HHLA1: variants seen among roughly 807,000 people sequenced by gnomAD.
HHLA1 encodes HHLA1 neighbor of OC90.
In HHLA1, 72 loss-of-function variants were observed where a neutral mutation model predicts 69.9. The observed-to-expected ratio is 1.03, with a 90% CI of 0.85 to 1.25. The LOEUF (loss-of-function observed/expected upper bound fraction) is 1.25. Ranked by LOEUF, HHLA1 falls within the 50% of genes most tolerant of loss-of-function variation. The pLI is 0.00. For missense variants in HHLA1, 685 were observed against 642.2 expected, an observed-to-expected ratio of 1.07 and a Z score of -0.72; for synonymous variants, 252 against 233.2, an observed-to-expected ratio of 1.08 and a Z score of -0.73.
chr8:132,102,686 C>CG (rs780855980), intron 3 of HHLA1, among the ~76,000 whole-genome samples: 5 of 151,672 alleles, frequency 3.3e-5, no homozygotes, highest in Non-Finnish European at 7.3e-5. Context: ...TATGTCAGTT[C>CG]GGGGTCTCCA....
chr8:132,079,709 G>T lies in HHLA1; in HGVS notation c.925+9C>A. The stretch of plus-strand genomic sequence containing the variant: ...GCAAAGGGGAGGAAAGGGTGAGAAT[G>T]CATCTTACCCAAGGCTGGGAGAGTG... On this transcript the variant is annotated intron_variant, in intron 11 of 16. Transcript: ENST00000414222. The T allele has an allele frequency of 6.5e-7, 1 of 1,538,988 alleles. No homozygotes were observed. The highest frequency in any genetic ancestry group is 1.4e-5 in the African/African-American group (1 of 72,696).
At chr8:132,064,963 C>G (rs1823409183) in intron 16 of HHLA1, among the ~76,000 whole-genome samples, 1 of 152,150 alleles carries the variant, frequency 6.6e-6, no homozygotes, top group South Asian at 2.1e-4. Context: ...GCCCTGTGAG[C>G]ACCCAGCTTA....
chr8:132,089,918 C>G (rs1016182787), intron 7 of HHLA1, among the ~76,000 whole-genome samples: 43 of 152,206 alleles, frequency 2.8e-4, no homozygotes, highest in African/African-American at 8.4e-4. Flanking sequence ...GCGGCTTTTC[C>G]CCATTGTTTC....
At chr8:132,079,017 C>T (rs552361943) in intron 11 of HHLA1, among the ~76,000 whole-genome samples, 7 of 152,208 alleles carry the variant, frequency 4.6e-5, no homozygotes, top group Non-Finnish European at 1.0e-4. Context: ...GTGCTGCACC[C>T]ATTAACTCTT....
Position 132,100,373 on chromosome 8 carries a change from CA to C in HHLA1, c.140-240del, listed in dbSNP as rs144278047. Among the ~76,000 whole-genome samples, 1,347 of 152,228 alleles carry C rather than the reference CA, an allele frequency of 8.8e-3. 20 individuals are homozygous for C. Among genetic ancestry groups the C allele is most frequent in the African/African-American group, 0.03 (1,241 of 41,530 alleles). On this transcript the variant is annotated intron_variant, in intron 3 of 16. Transcript: ENST00000414222. ...ATAAATCAGCTTGGCGATTCTGATA[CA>C]GGGGGTCTAATTTACCCCACTCTTT...
chr8:132,097,987 T>A (rs1474365019), intron 5 of HHLA1, among the ~76,000 whole-genome samples: 1 of 152,192 alleles, frequency 6.6e-6, no homozygotes, highest in Non-Finnish European at 1.5e-5. Flanking sequence ...CATTACCTAT[T>A]TATTATGTTT....
intron 10 of HHLA1, among the ~76,000 whole-genome samples, chr8:132,082,328 C>T (rs1228189402): frequency 2.6e-5 from 4 of 152,322 alleles, no homozygotes; most frequent in African/African-American, 9.6e-5. Flanking sequence ...TGCACGCAGA[C>T]ATGAGGGCTA....
chr8:132,097,054 C>T (rs548949373), intron 5 of HHLA1, among the ~76,000 whole-genome samples: 9 of 152,270 alleles, frequency 5.9e-5, no homozygotes, highest in South Asian at 4.1e-4. Flanking sequence ...CTTTGGTGCA[C>T]GCAAATCACC....
intron 11 of HHLA1, among the ~76,000 whole-genome samples, chr8:132,078,253 G>A (rs1454055115): frequency 6.6e-6 from 1 of 151,822 alleles, no homozygotes; most frequent in East Asian, 1.9e-4. Flanking sequence ...GTGTTTGGGG[G>A]TCAGTTAGCT....
At chr8:132,104,569 C>T (rs1242418375) in intron 2 of HHLA1, among the ~76,000 whole-genome samples, 1 of 152,098 alleles carries the variant, frequency 6.6e-6, no homozygotes, top group Admixed American at 6.5e-5. Context: ...TAGGATTTAT[C>T]TAATTGGGGG....
intron 15 of HHLA1, 37 bp downstream of exon 15, chr8:132,071,303 A>T: frequency 6.5e-7 from 1 of 1,529,840 alleles, no homozygotes; most frequent in Non-Finnish European, 8.8e-7. Context: ...AAAGCTATAA[A>T]TATTCCATGT....
At chr8:132,102,729 C>A (rs1824130263) in intron 3 of HHLA1, among the ~76,000 whole-genome samples, 1 of 151,638 alleles carries the variant, frequency 6.6e-6, no homozygotes, top group Non-Finnish European at 1.5e-5. Flanking sequence ...ACCAGGCTGG[C>A]AGGATTCCTA....
At chr8:132,067,023 G>A (rs1823452502) in intron 15 of HHLA1, among the ~76,000 whole-genome samples, 1 of 152,134 alleles carries the variant, frequency 6.6e-6, no homozygotes, top group Non-Finnish European at 1.5e-5. Context: ...GAACCAACAG[G>A]GGAAGGTGTG....
chr8:132,084,031 T>C (rs952166194), intron 10 of HHLA1, among the ~76,000 whole-genome samples: 74 of 151,954 alleles, frequency 4.9e-4, no homozygotes, highest in Middle Eastern at 6.3e-3. Flanking sequence ...AGTCATGAAC[T>C]GGGCTGGATT....
At position 132,061,516 on chromosome 8, in the gene HHLA1, G is replaced by C. The variant is rs747846545; in HGVS notation, c.*2479C>G. On this transcript the variant is annotated 3_prime_UTR_variant, in exon 17 of 17. Transcript: ENST00000414222. ...GAAGAATGAAGTTTAATGACGTTACGCATGTAACTGCACAATCTCCTTCAT... is the reference window on the plus strand; with the variant it reads ...GAAGAATGAAGTTTAATGACGTTACCCATGTAACTGCACAATCTCCTTCAT... 2 of 152,066 alleles carry C rather than the reference G, an allele frequency of 1.3e-5. No homozygotes were observed. Among genetic ancestry groups the C allele is most frequent in the East Asian group, 3.9e-4 (2 of 5,178 alleles). The allele number at this position is 152,066 out of a possible 1,614,324, so 9.4% of individuals were successfully genotyped here.
At chr8:132,102,836 C>G (rs982641369) in intron 3 of HHLA1, among the ~76,000 whole-genome samples, 2 of 148,826 alleles carry the variant, frequency 1.3e-5, no homozygotes, top group Non-Finnish European at 3.0e-5. Flanking sequence ...TTCCTTTCAC[C>G]AAGGAAAGAA....
At chr8:132,076,589 GC>G in intron 12 of HHLA1, 46 bp from the exon 13 acceptor site, 1 of 1,325,162 alleles carries the variant, frequency 7.5e-7, no homozygotes, top group Non-Finnish European at 1.0e-6. Context: ...CTTCTAGGGG[GC>G]CCTGAGGGAG....
At chr8:132,077,676 G>A (rs534182042) in intron 12 of HHLA1, 50 bp downstream of exon 12, 1 of 1,528,364 alleles carries the variant, frequency 6.5e-7, no homozygotes, top group South Asian at 1.2e-5. Context: ...AACAGACAAT[G>A]CTAAGTTTAA....
intron 15 of HHLA1, among the ~76,000 whole-genome samples, chr8:132,066,949 A>C (rs1208515857): frequency 6.6e-6 from 1 of 152,220 alleles, no homozygotes; most frequent in Non-Finnish European, 1.5e-5. Context: ...CCTGCCAGGA[A>C]AGCAGGACTT....
Sources: allele counts gnomAD v4.1 joint callset (sites outside exome capture counted in the v4.1 genomes callset), GRCh38; gene constraint gnomAD v4.1.1; transcripts MANE v1.5; gene names NCBI Gene and HGNC (gene_info 2026-07-23, HGNC 2026-07-21).